Variants in SEMA6D observed in about 807,000 individuals in gnomAD.
The protein encoded by SEMA6D is semaphorin 6D.
Under a neutral mutation model 106.6 loss-of-function variants are expected in SEMA6D, and 35 were observed. The ratio of observed to expected loss-of-function variants is 0.33; its 90% CI spans 0.25 to 0.44. The LOEUF is 0.44. Ranked by LOEUF, SEMA6D falls within the 20% of genes least tolerant of loss-of-function variation. The pLI is 1.00. For synonymous variants in SEMA6D, 499 were observed against 487.7 expected (o/e 1.02, Z -0.31); for missense variants, 1,185 against 1,345.9 (o/e 0.88, Z 1.87).
intron 2 of SEMA6D, among the ~76,000 whole-genome samples, chr15:47,466,450 C>G (rs1037925972): frequency 2.6e-5 from 4 of 152,036 alleles, no homozygotes; most frequent in Non-Finnish European, 5.9e-5. Flanking sequence ...GCATAATGTC[C>G]TCAAAGTTCA....
chr15:47,679,699 TC>T (rs2078312686), intron 4 of SEMA6D, among the ~76,000 whole-genome samples: 1 of 152,214 alleles, frequency 6.6e-6, no homozygotes, highest in Admixed American at 6.5e-5. Flanking sequence ...AATAAATTTC[TC>T]CATGGGAAAT....
At chr15:47,200,822 A>G (rs1894676874) in intron 1 of SEMA6D, among the ~76,000 whole-genome samples, 1 of 152,362 alleles carries the variant, frequency 6.6e-6, no homozygotes, top group Admixed American at 6.5e-5. Flanking sequence ...AAGTTAACCT[A>G]GAATGCTGCC....
chr15:47,383,208 T>C lies in SEMA6D; in HGVS notation c.-238-29185T>C, dbSNP rs188127166. Among the ~76,000 whole-genome samples the C allele has an allele frequency of 3.1e-3, 479 of 152,312 alleles. 3 individuals carry two copies. The highest frequency in any genetic ancestry group is 4.1e-3 in the Non-Finnish European group (280 of 68,030). ...CCTCTATTTCCAAGGACATAGTAGA[T>C]TGTGATTCCCTATGGTCGAGGAGGT... On this transcript the variant is annotated intron_variant, in intron 1 of 19. Transcript: ENST00000558014.
At chr15:47,471,927 T>TCACA (rs1335912335) in intron 3 of SEMA6D, among the ~76,000 whole-genome samples, 19 of 114,004 alleles carry the variant, frequency 1.7e-4, no homozygotes, top group Middle Eastern at 4.5e-3. Flanking sequence ...TCTCTCTCTC[T>TCACA]CTCTCACACA....
chr15:47,233,103 T>G (rs912708641), intron 1 of SEMA6D, among the ~76,000 whole-genome samples: 3 of 151,994 alleles, frequency 2.0e-5, no homozygotes, highest in Admixed American at 6.6e-5. Flanking sequence ...ATTAATCAAT[T>G]TTGAGTTAAT....
chr15:47,641,829 C>T (rs1300745055), intron 4 of SEMA6D, among the ~76,000 whole-genome samples: 2 of 152,190 alleles, frequency 1.3e-5, no homozygotes, highest in Non-Finnish European at 2.9e-5. Context: ...TGGTATTCCT[C>T]ACTCTAAAAC....
intron 3 of SEMA6D, among the ~76,000 whole-genome samples, chr15:47,549,125 C>T (rs1019124576): frequency 1.7e-4 from 26 of 152,076 alleles, no homozygotes; most frequent in Admixed American, 1.5e-3. Flanking sequence ...TTCTCCAGTC[C>T]CGATGGAGCC....
chr15:47,256,217 G>A (rs559781490), intron 1 of SEMA6D, among the ~76,000 whole-genome samples: 1 of 152,092 alleles, frequency 6.6e-6, no homozygotes, highest in South Asian at 2.1e-4. Context: ...AAATAACCTT[G>A]TCTCTTAATA....
intron 1 of SEMA6D, among the ~76,000 whole-genome samples, chr15:47,319,089 A>C (rs1165685509): frequency 6.6e-6 from 1 of 151,950 alleles, no homozygotes. Context: ...CATATCCTCA[A>C]GCTCAAAGAT....
At chr15:47,620,456 G>A (rs1386627514) in intron 4 of SEMA6D, among the ~76,000 whole-genome samples, 2 of 152,140 alleles carry the variant, frequency 1.3e-5, no homozygotes, top group Non-Finnish European at 2.9e-5. Flanking sequence ...TCAGGGCACA[G>A]GGGAAATAAT....
Position 47,721,051 on chromosome 15 carries a change from C to T in SEMA6D, c.-55+3359C>T, listed in dbSNP as rs144895413. 7.0e-4 allele frequency among the ~76,000 whole-genome samples: 107 copies of T among 152,278 alleles called. 1 individual carries two copies. The highest frequency in any genetic ancestry group is 2.3e-3 in the African/African-American group (97 of 41,562). ...AAGCAGTTGGGGTATGCCAACTAGGCAGTATTTACTGAATATTTATCATTT... is the reference window on the plus strand; with the variant it reads ...AAGCAGTTGGGGTATGCCAACTAGGTAGTATTTACTGAATATTTATCATTT... On this transcript the variant is annotated intron_variant, in intron 1 of 18. Coordinates refer to ENST00000536845, the MANE Select transcript of SEMA6D (RefSeq NM_001358351.3).
In SEMA6D at chr15:47,270,120, T is replaced by A. The variant is rs566912305; in HGVS notation, c.-239+85702T>A. 6.7e-5 allele frequency among the ~76,000 whole-genome samples: 10 copies of A among 148,746 alleles called. 1 individual carries two copies. In the Admixed American group the frequency reaches 6.7e-4, roughly 10 times the overall value. The stretch of plus-strand genomic sequence containing the variant: ...GTTTGTTACATTTTATTTAACATGT[T>A]TATTAAATAATATATATTTGTATAT... On this transcript the variant is annotated intron_variant, in intron 1 of 19. Transcript: ENST00000558014.
chr15:47,515,114 CT>C (rs1441399773), intron 3 of SEMA6D, among the ~76,000 whole-genome samples: 2 of 152,204 alleles, frequency 1.3e-5, no homozygotes, highest in Non-Finnish European at 2.9e-5. Flanking sequence ...TGACTTACGG[CT>C]TTTTCATTGG....
In SEMA6D at chr15:47,475,469, C is replaced by G. The variant is rs375959292; in HGVS notation, c.-87+4924C>G. ...CATTTTTCTGTATCATATATCACTT[C>G]CTTTGTTGGCAGATTAAATGTTTGT... On this transcript the variant is annotated intron_variant, in intron 3 of 19. Transcript: ENST00000558014. 1.1e-4 allele frequency among the ~76,000 whole-genome samples: 16 copies of G among 152,266 alleles called. No individual in the cohort carries two copies. The East Asian group carries it at 1.5e-3, about 15-fold the overall frequency.
At chr15:47,626,396 C>A (rs2077202557) in intron 4 of SEMA6D, among the ~76,000 whole-genome samples, 1 of 152,182 alleles carries the variant, frequency 6.6e-6, no homozygotes, top group Non-Finnish European at 1.5e-5. Flanking sequence ...GCTACTTCCA[C>A]TCAGAAGTGC....
intron 4 of SEMA6D, among the ~76,000 whole-genome samples, chr15:47,642,794 A>T (rs927631723): frequency 1.3e-5 from 2 of 152,124 alleles, no homozygotes; most frequent in African/African-American, 4.8e-5. Flanking sequence ...AGTTGGGATG[A>T]TGTATGGTTT....
At chr15:47,427,818 A>G (rs894101348) in intron 2 of SEMA6D, among the ~76,000 whole-genome samples, 2 of 152,136 alleles carry the variant, frequency 1.3e-5, no homozygotes, top group Non-Finnish European at 2.9e-5. Context: ...GTTCTGCCCC[A>G]GAAGTAGTGA....
rs890495761 is a variant in SEMA6D at position 47,768,693 on chromosome 15, T to C, written c.1878T>C (p.Val626=). The part of the protein sequence containing the change: ...PKLTSSRKFV[V]QDDPNTSDFT... The stretch of plus-strand genomic sequence containing the variant: ...TGACAAGCTCTCGGAAATTTGTAGT[T>C]CAAGATGATCCAAACACTTCTGATT... The change falls in exon 18 of 19, where the codon GTT becomes GTC. Residue 626 remains valine (V), a synonymous_variant. Coordinates refer to ENST00000536845, the MANE Select transcript of SEMA6D (RefSeq NM_001358351.3). 2.1e-5 allele frequency: 34 copies of C among 1,613,686 alleles called. No individual in the cohort carries two copies. The highest frequency in any genetic ancestry group is 2.9e-5 in the Non-Finnish European group (34 of 1,179,666).
At chr15:47,259,999 T>C (rs1361626612) in intron 1 of SEMA6D, among the ~76,000 whole-genome samples, 1 of 150,738 alleles carries the variant, frequency 6.6e-6, no homozygotes, top group Non-Finnish European at 1.5e-5. Context: ...TTTAGCATGT[T>C]TTTTTTTTTC....
Sources: allele counts gnomAD v4.1 joint callset (sites outside exome capture counted in the v4.1 genomes callset), GRCh38; gene constraint gnomAD v4.1.1; transcripts MANE v1.5; gene names NCBI Gene and HGNC (gene_info 2026-07-23, HGNC 2026-07-21).